Variants in COL16A1 observed in about 807,000 individuals in gnomAD.
COL16A1 encodes the protein collagen type XVI alpha 1 chain.
In COL16A1, 189 loss-of-function variants were observed where a neutral mutation model predicts 266.3. The observed-to-expected ratio is 0.71, with a 90% CI of 0.63 to 0.80. COL16A1 has a LOEUF of 0.80. Ranked by LOEUF, COL16A1 falls within the 30% of genes least tolerant of loss-of-function variation. The pLI, the probability that COL16A1 is intolerant of heterozygous loss-of-function variation, is 0.00. For missense variants in COL16A1, 1,928 were observed against 2,122.4 expected, an observed-to-expected ratio of 0.91 and a Z score of 1.80; for synonymous variants, 740 against 782.3, an observed-to-expected ratio of 0.95 and a Z score of 0.90.
rs1285537645 is a variant in COL16A1 at position 31,670,371 on chromosome 1, G to A, written c.3195+231C>T. On this transcript the variant is annotated intron_variant, in intron 49 of 70. Coordinates refer to ENST00000373672, the MANE Select transcript of COL16A1 (RefSeq NM_001856.4). This position sits in a 1 kb window ranked among gnomAD's most constrained non-coding sequence, Gnocchi z 4.5. ...GAACGGGGTAAGAGAGAGAAGAGGA[G>A]AGAAAGAACGCAGGAGAGGAGGGAG... The A allele has an allele frequency of 1.1e-5, 5 of 456,144 alleles. No homozygotes were observed. Among genetic ancestry groups the A allele is most frequent in the Non-Finnish European group, 1.9e-5 (5 of 261,558 alleles). The allele number at this position is 456,144 out of a possible 1,614,324, so 28.3% of individuals were successfully genotyped here.
chr1:31,660,628 C>A lies in COL16A1; in HGVS notation c.3836G>T (p.Gly1279Val). ...GGGTCTTCCCTGGGGTCCCATGGCA[C>A]CAGGTTCACCCTGCAGGAGCCAGAA... ...TGRPGAEGEP[G>V]AMGPQGRPGP... Residue 1279 changes from glycine (G) to valine (V), a missense_variant, in exon 62 of 71, where the codon GGT becomes GTT. Gly to Val is a moderately radical substitution (Grantham distance 109). Coordinates refer to ENST00000373672, the MANE Select transcript of COL16A1 (RefSeq NM_001856.4). 6.2e-7 allele frequency: 1 copy of A among 1,614,134 alleles called. No individual in the cohort carries two copies. The highest frequency in any genetic ancestry group is 8.5e-7 in the Non-Finnish European group (1 of 1,179,986).
Position 31,697,216 on chromosome 1 carries a change from T to C in COL16A1, c.738+4A>G. Reference sequence around the variant, plus strand: ...CTGGGCAGCCCAAGGGCCGGGCCACTCACCCCTGCTGGTAAAATCTCACAG... The same window carrying C: ...CTGGGCAGCCCAAGGGCCGGGCCACCCACCCCTGCTGGTAAAATCTCACAG... On this transcript the variant is annotated splice_donor_region_variant and intron_variant, in intron 7 of 70. Coordinates refer to ENST00000373672, the MANE Select transcript of COL16A1 (RefSeq NM_001856.4). The surrounding 1 kb of genome is among the most constrained non-coding windows in gnomAD (Gnocchi z 4.2). 1 of 1,613,276 alleles carries C rather than the reference T, an allele frequency of 6.2e-7. No homozygotes were observed. Among genetic ancestry groups the C allele is most frequent in the East Asian group, 2.2e-5 (1 of 44,844 alleles).
intron 9 of COL16A1, 59 bp from the exon 10 acceptor site, chr1:31,695,846 T>C: frequency 1.3e-6 from 2 of 1,496,144 alleles, no homozygotes; most frequent in Non-Finnish European, 1.9e-6. Context: ...CGAGCACTGT[T>C]TCCAACACCC....
At chr1:31,702,426 T>C (rs931759259) in intron 1 of COL16A1, among the ~76,000 whole-genome samples, 199 bp from the exon 2 acceptor site, 3 of 152,114 alleles carry the variant, frequency 2.0e-5, no homozygotes, top group Non-Finnish European at 4.4e-5. Context: ...TTCAAAATAT[T>C]TAACCACCGG....
In COL16A1 at chr1:31,685,631, C is replaced by T. The variant is rs377040061; in HGVS notation, c.2016+8G>A. On this transcript the variant is annotated splice_region_variant and intron_variant, in intron 29 of 70. Coordinates refer to ENST00000373672, the MANE Select transcript of COL16A1 (RefSeq NM_001856.4). This position sits in a 1 kb window ranked among gnomAD's most constrained non-coding sequence, Gnocchi z 4.0. ...CGTCCAGAGGCCCCTGCCTATATCC[C>T]ACCTCACCTGTTTTCCTGGCAAGCC... The T allele has an allele frequency of 6.2e-7, 1 of 1,613,650 alleles. No homozygotes were observed. Among genetic ancestry groups the T allele is most frequent in the African/African-American group, 1.3e-5 (1 of 75,018 alleles).
Position 31,690,526 on chromosome 1 carries a change from C to T in COL16A1, c.1482+3G>A, listed in dbSNP as rs1644213421. The T allele has an allele frequency of 1.9e-6, 3 of 1,613,908 alleles. No homozygotes were observed. In the South Asian group the frequency reaches 3.3e-5, roughly 18 times the overall value. Reference sequence around the variant, plus strand: ...CCTCCCCCGCTGGATTGGTGTCACTCACAGGTTTCCCACCAGGGCCTTCCT... The same window carrying T: ...CCTCCCCCGCTGGATTGGTGTCACTTACAGGTTTCCCACCAGGGCCTTCCT... On this transcript the variant is annotated splice_donor_region_variant and intron_variant, in intron 21 of 70. Transcript: ENST00000373672.
intron 30 of COL16A1, 78 bp downstream of exon 30, chr1:31,684,743 G>A: frequency 6.2e-7 from 1 of 1,611,710 alleles, no homozygotes; most frequent in Non-Finnish European, 8.5e-7. Context: ...TTGGGGGCTA[G>A]GGAGGGAGGA....
At chr1:31,678,413 CAGA>C (rs1474918256) in intron 42 of COL16A1, among the ~76,000 whole-genome samples, 1 of 152,144 alleles carries the variant, frequency 6.6e-6, no homozygotes, top group Non-Finnish European at 1.5e-5. Context: ...TGAAAGGCAT[CAGA>C]AGAAGGTAAA....
chr1:31,702,066 C>A, intron 2 of COL16A1, 55 bp downstream of exon 2: 5 of 1,612,942 alleles, frequency 3.1e-6, no homozygotes, highest in Non-Finnish European at 4.2e-6. Flanking sequence ...GACCCCAGCA[C>A]CCCAGGATAC....
Position 31,662,674 on chromosome 1 carries a change from G to GGGGCC in COL16A1, c.3556-17_3556-16insGGCCC. The GGGGCC allele has an allele frequency of 3.2e-5, 41 of 1,263,408 alleles. No homozygotes were observed. Among genetic ancestry groups the GGGGCC allele is most frequent in the Non-Finnish European group, 4.0e-5 (38 of 960,454 alleles). The allele number at this position is 1,263,408 out of a possible 1,614,324, so 78.3% of individuals were successfully genotyped here. On this transcript the variant is annotated splice_polypyrimidine_tract_variant and intron_variant, in intron 56 of 70. Coordinates refer to ENST00000373672, the MANE Select transcript of COL16A1 (RefSeq NM_001856.4). ...CTTCGCTGCCCTGGAAACCAGCGCC[G>GGGGCC]CCCCCCCCCCCCGCCCCACAATAAA...
intron 42 of COL16A1, 196 bp downstream of exon 42, chr1:31,679,436 T>C (rs753682506): frequency 2.2e-5 from 35 of 1,587,552 alleles, no homozygotes; most frequent in Non-Finnish European, 3.0e-5. Context: ...GAAACAGTGC[T>C]GGGAGTGCAG....
In COL16A1 at chr1:31,675,343, C is replaced by T. The variant is rs1123948; in HGVS notation, c.2773-32G>A. ...CCAAGAAGAGACACGAGTGAGTGGG[C>T]TCCATCTCTCTAGCCTGCTGGTCAG... On this transcript the variant is annotated intron_variant, in intron 42 of 70. Coordinates refer to ENST00000373672, the MANE Select transcript of COL16A1 (RefSeq NM_001856.4). 10,750 of 1,609,252 alleles carry T rather than the reference C, an allele frequency of 6.7e-3. 502 individuals are homozygous for T. In the African/African-American group the frequency reaches 0.11, roughly 16 times the overall value.
chr1:31,687,803 G>A, intron 26 of COL16A1, among the ~76,000 whole-genome samples: 1 of 152,156 alleles, frequency 6.6e-6, no homozygotes, highest in East Asian at 1.9e-4. Context: ...TTAGGGTTGA[G>A]TCTGCACACA....
chr1:31,662,522 C>T (rs1641766646), intron 57 of COL16A1, 65 bp downstream of exon 57: 9 of 1,542,622 alleles, frequency 5.8e-6, no homozygotes, highest in South Asian at 2.4e-5. Flanking sequence ...TGCACACACA[C>T]ACATGCACCA....
Position 31,683,747 on chromosome 1 carries a change from C to A in COL16A1, c.2339G>T (p.Gly780Val), listed in dbSNP as rs181005740. 6.2e-7 allele frequency: 1 copy of A among 1,614,132 alleles called. No individual in the cohort carries two copies. Among genetic ancestry groups the A allele is most frequent in the Admixed American group, 1.7e-5 (1 of 60,022 alleles). The change falls in exon 34 of 71, where the codon GGA becomes GTA. Residue 780 changes from glycine to valine, a missense_variant and splice_region_variant. Gly to Val is a moderately radical substitution (Grantham distance 109). Transcript: ENST00000373672. ...TCCCCTTCCTGGAGGCCCTGGCTCTCCCTGAAGAGGCAGAAGGACAGTCCC... is the reference window on the plus strand; with the variant it reads ...TCCCCTTCCTGGAGGCCCTGGCTCTACCTGAAGAGGCAGAAGGACAGTCCC... ...QGPPGLKGVQ[G>V]EPGPPGRGVQ...
chr1:31,694,565 T>C (rs1244081393), intron 11 of COL16A1, among the ~76,000 whole-genome samples: 1 of 152,132 alleles, frequency 6.6e-6, no homozygotes, highest in Admixed American at 6.5e-5. Flanking sequence ...TCAGGGGGCT[T>C]AGAGCTGAGG....
Position 31,658,505 on chromosome 1 carries a change from CA to C in COL16A1, c.4002del (p.Gly1335AspfsTer100). The C allele has an allele frequency of 1.2e-6, 2 of 1,603,744 alleles. No homozygotes were observed. Among genetic ancestry groups the C allele is most frequent in the Non-Finnish European group, 1.7e-6 (2 of 1,176,180 alleles). ...LAGLPGQPGPPGHPGPPGEPG... is the reference protein window; with the variant it reads ...LAGLPGQPGPXGHPGPPGEPG... ...GATCTTACTGGGGGGCCAGGGTGTC[CA>C]GGGGGGCCGGGCTGGCCTGGGAGGC... On this transcript the variant is annotated frameshift_variant, in exon 64 of 71. Transcript: ENST00000373672. LOFTEE classifies it high-confidence loss of function.
rs745384359 is a variant in COL16A1, at chr1:31,684,004, C to G, written c.2284-1G>C. On this transcript the variant is annotated splice_acceptor_variant, in intron 32 of 70. Coordinates refer to ENST00000373672, the MANE Select transcript of COL16A1 (RefSeq NM_001856.4). LOFTEE classifies it high-confidence loss of function. ...GAACTCCTGGTAGACCGGGTTGGCC[C>G]TAAAAGGCATAAGGTGGCCCATGGA... The G allele has an allele frequency of 6.2e-7, 1 of 1,614,186 alleles. No homozygotes were observed.
chr1:31,676,235 GA>G (rs1643171608), intron 42 of COL16A1, among the ~76,000 whole-genome samples: 1 of 149,822 alleles, frequency 6.7e-6, no homozygotes, highest in Admixed American at 6.7e-5. Context: ...TGAGACAGGA[GA>G]ATCACTTGAA....
Sources: gnomAD v4.1 joint callset for allele counts (sites outside exome capture counted in the v4.1 genomes callset) on GRCh38, gnomAD v4.1.1 for gene constraint, Gnocchi (gnomAD v3.1) non-coding constraint, MANE v1.5 for transcripts, NCBI Gene and HGNC (gene_info 2026-07-23, HGNC 2026-07-21) for gene names.